Variants in WWOX observed in about 807,000 individuals in gnomAD.
WWOX encodes the protein WW domain containing oxidoreductase.
In WWOX, 69 loss-of-function variants were observed where a neutral mutation model predicts 46.2. That is an observed-to-expected ratio of 1.49 (90% CI 1.23 to 1.82). The LOEUF is 1.82. Among genes scored for constraint, WWOX ranks in the 40% most tolerant of loss-of-function variants. WWOX has a pLI of 0.00. For missense variants in WWOX, 919 were observed against 542.6 expected, an observed-to-expected ratio of 1.69 and a Z score of -6.89; for synonymous variants, 359 against 202.6, an observed-to-expected ratio of 1.77 and a Z score of -6.56.
At chr16:78,163,708 G>C (rs954208797) in intron 4 of WWOX, among the ~76,000 whole-genome samples, 1 of 152,158 alleles carries the variant, frequency 6.6e-6, no homozygotes, top group African/African-American at 2.4e-5. Context: ...AAGAAACCTA[G>C]GTAACACTGG....
At chr16:78,517,944 G>A (rs1242621452) in intron 8 of WWOX, among the ~76,000 whole-genome samples, 1 of 138,644 alleles carries the variant, frequency 7.2e-6, no homozygotes, top group Non-Finnish European at 1.5e-5. Flanking sequence ...TTCTTTACTA[G>A]TGAGTGGCAG....
At chr16:78,983,415 T>C (rs2046721232) in intron 8 of WWOX, among the ~76,000 whole-genome samples, 1 of 152,188 alleles carries the variant, frequency 6.6e-6, no homozygotes, top group Admixed American at 6.5e-5. Flanking sequence ...CTGGGAAGGA[T>C]GATACATGAT....
At chr16:78,938,063 G>C (rs892875670) in intron 8 of WWOX, among the ~76,000 whole-genome samples, 4 of 152,084 alleles carry the variant, frequency 2.6e-5, no homozygotes, top group African/African-American at 7.2e-5. Flanking sequence ...CCCAAGTCTG[G>C]GCAGCCAGCA....
intron 8 of WWOX, among the ~76,000 whole-genome samples, chr16:78,831,136 T>C (rs904996183): frequency 6.6e-6 from 1 of 152,174 alleles, no homozygotes; most frequent in African/African-American, 2.4e-5. Flanking sequence ...GTGGAGGGGC[T>C]TGCAGAGCTG....
intron 8 of WWOX, among the ~76,000 whole-genome samples, chr16:79,133,508 G>C (rs1040431634): frequency 6.6e-6 from 1 of 152,212 alleles, no homozygotes; most frequent in African/African-American, 2.4e-5. Flanking sequence ...TCTCATTTTA[G>C]TATATTTAAA....
intron 8 of WWOX, among the ~76,000 whole-genome samples, chr16:78,972,477 A>T (rs575390698): frequency 3.6e-4 from 54 of 152,104 alleles, no homozygotes; most frequent in African/African-American, 1.3e-3. Context: ...GGTGAAAAAA[A>T]AAAAAAATAA....
intron 4 of WWOX, among the ~76,000 whole-genome samples, chr16:78,115,793 T>C (rs541883057): frequency 6.6e-5 from 10 of 152,252 alleles, no homozygotes; most frequent in Admixed American, 5.9e-4. Context: ...TTTATTCTGA[T>C]TTTGCTTTGA....
intron 8 of WWOX, among the ~76,000 whole-genome samples, chr16:78,759,379 A>T (rs1021930799): frequency 6.6e-6 from 1 of 152,122 alleles, no homozygotes; most frequent in Non-Finnish European, 1.5e-5. Context: ...TTCTTTTTCT[A>T]TTCTACCCTC....
At chr16:78,817,585 C>T (rs188452828) in intron 8 of WWOX, among the ~76,000 whole-genome samples, 240 of 152,302 alleles carry the variant, frequency 1.6e-3, no homozygotes, top group African/African-American at 5.4e-3. Context: ...CAAAACCTCT[C>T]GCTTGGAGCC....
intron 8 of WWOX, among the ~76,000 whole-genome samples, chr16:79,160,470 T>G (rs2050463583): frequency 6.6e-6 from 1 of 152,092 alleles, no homozygotes; most frequent in South Asian, 2.1e-4. Context: ...CCCTCGATAT[T>G]AATATCAATA....
chr16:78,814,808 G>C (rs1003294695), intron 8 of WWOX, among the ~76,000 whole-genome samples: 5 of 152,160 alleles, frequency 3.3e-5, no homozygotes, highest in African/African-American at 1.2e-4. Context: ...AACTGTGGGC[G>C]TTGTCCCCAC....
At chr16:79,209,663 A>G (rs915599658) in intron 8 of WWOX, among the ~76,000 whole-genome samples, 2 of 152,214 alleles carry the variant, frequency 1.3e-5, no homozygotes, top group South Asian at 2.1e-4. Flanking sequence ...ACAAAACACC[A>G]TCTCCACCAG....
intron 4 of WWOX, among the ~76,000 whole-genome samples, chr16:78,150,733 C>G (rs2034376109): frequency 6.6e-6 from 1 of 152,192 alleles, no homozygotes; most frequent in Non-Finnish European, 1.5e-5. Flanking sequence ...TTACTTAAAT[C>G]ATTGGCCATT....
chr16:78,835,856 C>A (rs1554979), intron 8 of WWOX, among the ~76,000 whole-genome samples: 3 of 152,048 alleles, frequency 2.0e-5, no homozygotes, highest in African/African-American at 7.2e-5. Flanking sequence ...AATCTGAATT[C>A]AACATATTTA....
chr16:78,650,732 C>T (rs1469105364), intron 8 of WWOX, among the ~76,000 whole-genome samples: 3 of 152,142 alleles, frequency 2.0e-5, no homozygotes, highest in Admixed American at 6.5e-5. Context: ...AAATTTTATG[C>T]GTGGTGAAAG....
At chr16:78,426,966 T>G (rs144591511) in intron 7 of WWOX, among the ~76,000 whole-genome samples, 1 of 152,314 alleles carries the variant, frequency 6.6e-6, no homozygotes, top group East Asian at 1.9e-4. Flanking sequence ...CCGGCCTCTT[T>G]GCACATTATT....
At chr16:78,278,484 A>G in intron 5 of WWOX, 2 of 1,011,876 alleles carry the variant, frequency 2.0e-6, no homozygotes, top group East Asian at 5.4e-5. Context: ...GTTTTATTTA[A>G]CCAGCTTGAA....
intron 4 of WWOX, among the ~76,000 whole-genome samples, chr16:78,117,141 C>T (rs933174407): frequency 1.3e-5 from 2 of 152,174 alleles, no homozygotes; most frequent in Non-Finnish European, 2.9e-5. Context: ...CTCTTTGTGC[C>T]TCTTCACAGC....
At chr16:78,999,911 A>C (rs1216618480) in intron 8 of WWOX, among the ~76,000 whole-genome samples, 1 of 152,206 alleles carries the variant, frequency 6.6e-6, no homozygotes, top group African/African-American at 2.4e-5. Context: ...TAAAATGAAA[A>C]TTCTACGTCA....
Sources: gnomAD v4.1 joint callset for allele counts (sites outside exome capture counted in the v4.1 genomes callset) on GRCh38, gnomAD v4.1.1 for gene constraint, MANE v1.5 for transcripts, NCBI Gene and HGNC (gene_info 2026-07-23, HGNC 2026-07-21) for gene names.